The following KIAA1328 variants were observed in gnomAD, a reference collection of about 807,000 sequenced individuals.
KIAA1328 encodes the protein protein hinderin.
In KIAA1328, 52 loss-of-function variants were observed where a neutral mutation model predicts 68.1. That is an observed-to-expected ratio of 0.76 (90% CI 0.61 to 0.96). KIAA1328 has a LOEUF of 0.96. Among genes scored for constraint, KIAA1328 ranks in the 40% least tolerant of loss-of-function variants. The pLI, the probability that KIAA1328 is intolerant of heterozygous loss-of-function variation, is 0.00. For missense variants in KIAA1328, 641 were observed against 677.6 expected (o/e 0.95, Z 0.60); for synonymous variants, 232 against 239.4 (o/e 0.97, Z 0.28).
At chr18:37,173,124 A>G (rs1378176366) in intron 9 of KIAA1328, 43 bp downstream of exon 9, 1 of 1,409,780 alleles carries the variant, frequency 7.1e-7, no homozygotes. Context: ...TCTCCCTATG[A>G]GAGCATTTTT....
At chr18:36,844,691 A>G (rs961235344) in intron 4 of KIAA1328, among the ~76,000 whole-genome samples, 2 of 151,880 alleles carry the variant, frequency 1.3e-5, no homozygotes, top group South Asian at 2.1e-4. Flanking sequence ...AAGAATATCT[A>G]TTATTGCCTT....
intron 7 of KIAA1328, among the ~76,000 whole-genome samples, chr18:37,117,950 G>C (rs1053973285): frequency 1.3e-5 from 2 of 149,090 alleles, no homozygotes; most frequent in Non-Finnish European, 3.0e-5. Context: ...AGCTCTTATA[G>C]TCCCCATCTC....
chr18:37,227,966 G>A (rs2060648095), downstream of KIAA1328, among the ~76,000 whole-genome samples: 1 of 152,114 alleles, frequency 6.6e-6, no homozygotes, highest in Non-Finnish European at 1.5e-5. Context: ...CATGGGAGAA[G>A]GTCAAAATAT....
At chr18:36,931,343 G>A (rs2050302310) in intron 5 of KIAA1328, among the ~76,000 whole-genome samples, 2 of 152,010 alleles carry the variant, frequency 1.3e-5, no homozygotes, top group South Asian at 4.1e-4. Flanking sequence ...ATCAGTGGCA[G>A]CATTAGATTA....
chr18:37,182,611 C>T (rs766504456), intron 9 of KIAA1328, among the ~76,000 whole-genome samples: 4 of 152,026 alleles, frequency 2.6e-5, no homozygotes, highest in Admixed American at 6.6e-5. Context: ...AGGATTTGGA[C>T]CTTGCTCTTG....
intron 6 of KIAA1328, among the ~76,000 whole-genome samples, chr18:37,056,608 T>C (rs2055917709): frequency 6.6e-6 from 1 of 152,206 alleles, no homozygotes; most frequent in Admixed American, 6.5e-5. Context: ...ATGGAAGTTA[T>C]TTTTAGTAGC....
intron 6 of KIAA1328, among the ~76,000 whole-genome samples, chr18:37,010,599 T>C (rs1175722524): frequency 1.3e-5 from 2 of 152,092 alleles, no homozygotes; most frequent in Admixed American, 6.5e-5. Flanking sequence ...CATAAGGACT[T>C]AACAAAGTGC....
chr18:36,897,436 T>A (rs1250613736), intron 5 of KIAA1328, among the ~76,000 whole-genome samples: 1 of 152,212 alleles, frequency 6.6e-6, no homozygotes, highest in East Asian at 1.9e-4. Flanking sequence ...TATGAGACTT[T>A]GTTTCACACA....
intron 6 of KIAA1328, among the ~76,000 whole-genome samples, chr18:36,983,969 C>G (rs1382031977): frequency 2.0e-5 from 3 of 152,136 alleles, no homozygotes; most frequent in Non-Finnish European, 2.9e-5. Flanking sequence ...CCAATTAACA[C>G]AATTCAGCAT....
chr18:37,077,286 G>GCC (rs1421855642), intron 7 of KIAA1328, among the ~76,000 whole-genome samples: 1,057 of 101,672 alleles, frequency 0.01, 19 homozygotes, highest in African/African-American at 0.037. Flanking sequence ...ATTCAACAAG[G>GCC]CTTCATGCTA....
chr18:36,920,615 G>T (rs1171813122), intron 5 of KIAA1328, among the ~76,000 whole-genome samples: 1 of 151,982 alleles, frequency 6.6e-6, no homozygotes, highest in Non-Finnish European at 1.5e-5. Context: ...TTTATCCTGG[G>T]GCTAATTTAG....
At chr18:37,046,393 G>T (rs2055469503) in intron 6 of KIAA1328, among the ~76,000 whole-genome samples, 1 of 151,932 alleles carries the variant, frequency 6.6e-6, no homozygotes, top group Non-Finnish European at 1.5e-5. Context: ...TGAAAGCCTT[G>T]GGTTTTTGAA....
At chr18:37,218,936 C>T (rs927113112) in intron 9 of KIAA1328, among the ~76,000 whole-genome samples, 8 of 152,310 alleles carry the variant, frequency 5.3e-5, no homozygotes, top group African/African-American at 1.7e-4. Flanking sequence ...GGTTTCTCCC[C>T]ATCTTTGTGG....
At chr18:36,921,118 T>C (rs749027116) in intron 5 of KIAA1328, 1 of 152,190 alleles carries the variant, frequency 6.6e-6, no homozygotes, top group Non-Finnish European at 1.5e-5. Flanking sequence ...AACTGTTGTT[T>C]CATACATTTT....
chr18:36,836,946 T>TTCTG (rs1329308262), intron 3 of KIAA1328, among the ~76,000 whole-genome samples: 1 of 152,180 alleles, frequency 6.6e-6, no homozygotes, highest in Non-Finnish European at 1.5e-5. Context: ...GGTTCATCTA[T>TTCTG]TCTGTATCAT....
intron 4 of KIAA1328, among the ~76,000 whole-genome samples, chr18:36,858,420 G>A (rs2047450612): frequency 6.6e-6 from 1 of 152,106 alleles, no homozygotes; most frequent in South Asian, 2.1e-4. Context: ...ATAGTTCAGA[G>A]AGTTCCCATT....
intron 3 of KIAA1328, among the ~76,000 whole-genome samples, chr18:36,841,143 C>T (rs536419197): frequency 6.6e-6 from 1 of 152,096 alleles, no homozygotes; most frequent in African/African-American, 2.4e-5. Flanking sequence ...CTCTACTGTT[C>T]CCAGTCATTG....
At chr18:36,841,801 A>G (rs537411076) in intron 3 of KIAA1328, among the ~76,000 whole-genome samples, 2 of 152,352 alleles carry the variant, frequency 1.3e-5, no homozygotes, top group Admixed American at 6.5e-5. Flanking sequence ...CCTGTCCTAC[A>G]GTGTAAATAC....
At chr18:36,879,509 C>T (rs909132372) in intron 4 of KIAA1328, among the ~76,000 whole-genome samples, 1 of 152,200 alleles carries the variant, frequency 6.6e-6, no homozygotes, top group Non-Finnish European at 1.5e-5. Context: ...GTCAGAGACT[C>T]ACTTGAAGAG....
Sources: gnomAD v4.1 joint callset for allele counts (sites outside exome capture counted in the v4.1 genomes callset) on GRCh38, gnomAD v4.1.1 for gene constraint, MANE v1.5 for transcripts, NCBI Gene and HGNC (gene_info 2026-07-23, HGNC 2026-07-21) for gene names.